The following PTPRD variants were observed in gnomAD, a reference collection of about 807,000 sequenced individuals.
PTPRD encodes receptor-type tyrosine-protein phosphatase delta.
In PTPRD, 34 loss-of-function variants were observed where a neutral mutation model predicts 214.5. The ratio of observed to expected loss-of-function variants is 0.16; its 90% CI spans 0.12 to 0.21. The LOEUF (loss-of-function observed/expected upper bound fraction) is 0.21, where lower values mean the gene tolerates loss of function less well. Ranked by LOEUF, PTPRD falls within the 10% of genes least tolerant of loss-of-function variation. PTPRD has a pLI of 1.00. For synonymous variants in PTPRD, 1,128 were observed against 845.7 expected, an observed-to-expected ratio of 1.33 and a Z score of -5.79; for missense variants, 2,545 against 2,398.7, an observed-to-expected ratio of 1.06 and a Z score of -1.27.
At chr9:8,643,890 T>C (rs1179211478) in intron 12 of PTPRD, among the ~76,000 whole-genome samples, 1 of 152,144 alleles carries the variant, frequency 6.6e-6, no homozygotes, top group Non-Finnish European at 1.5e-5. Flanking sequence ...CAGAAGGGGA[T>C]GGATCCGGTG....
At chr9:9,310,248 G>A (rs1251707451) in intron 9 of PTPRD, among the ~76,000 whole-genome samples, 1 of 152,062 alleles carries the variant, frequency 6.6e-6, no homozygotes, top group Non-Finnish European at 1.5e-5. Flanking sequence ...TAATGAAGAA[G>A]CATATTAGCA....
intron 4 of PTPRD, among the ~76,000 whole-genome samples, chr9:10,011,119 C>A (rs937189516): frequency 1.1e-4 from 16 of 151,896 alleles, no homozygotes; most frequent in Admixed American, 9.9e-4. Context: ...ACACCTTATA[C>A]CTGTAGAAGG....
intron 2 of PTPRD, among the ~76,000 whole-genome samples, chr9:10,409,573 T>C (rs1196145261): frequency 1.3e-5 from 2 of 151,784 alleles, no homozygotes; most frequent in Admixed American, 1.3e-4. Flanking sequence ...GACATTTATA[T>C]GGAATACCAG....
chr9:10,571,463 T>C (rs148400949), intron 2 of PTPRD, among the ~76,000 whole-genome samples: 1 of 152,174 alleles, frequency 6.6e-6, no homozygotes, highest in Non-Finnish European at 1.5e-5. Flanking sequence ...TTCCATGATA[T>C]AGTAAAGAAA....
intron 7 of PTPRD, among the ~76,000 whole-genome samples, chr9:9,633,957 C>G (rs754183905): frequency 1.7e-4 from 26 of 152,148 alleles, no homozygotes; most frequent in Non-Finnish European, 3.1e-4. Flanking sequence ...AACTTTTCCC[C>G]TTTATGATAC....
At chr9:8,372,796 T>A (rs1190284389) in intron 39 of PTPRD, among the ~76,000 whole-genome samples, 6 of 151,972 alleles carry the variant, frequency 3.9e-5, no homozygotes, top group African/African-American at 1.4e-4. Context: ...CATTTTTGTC[T>A]TAGTCCAATT....
intron 35 of PTPRD, among the ~76,000 whole-genome samples, chr9:8,413,332 G>A (rs1179955621): frequency 6.6e-6 from 1 of 152,106 alleles, no homozygotes; most frequent in Non-Finnish European, 1.5e-5. Flanking sequence ...ATTAACTTTT[G>A]TTAATGTTCA....
chr9:9,318,562 A>AC (rs1964667300), intron 9 of PTPRD, among the ~76,000 whole-genome samples: 1 of 152,208 alleles, frequency 6.6e-6, no homozygotes, highest in Non-Finnish European at 1.5e-5. Context: ...GATCTATCCT[A>AC]GAAAACACTA....
chr9:9,428,473 T>G, intron 8 of PTPRD, among the ~76,000 whole-genome samples: 1 of 152,170 alleles, frequency 6.6e-6, no homozygotes. Flanking sequence ...AACATCCTAC[T>G]GTCAACATTA....
At chr9:9,111,436 C>A (rs926953163) in intron 10 of PTPRD, among the ~76,000 whole-genome samples, 3 of 151,836 alleles carry the variant, frequency 2.0e-5, no homozygotes, top group African/African-American at 7.3e-5. Flanking sequence ...TGGGTGAGTC[C>A]TCACTTTGGA....
intron 6 of PTPRD, among the ~76,000 whole-genome samples, chr9:9,746,968 T>G (rs1014593664): frequency 6.6e-6 from 1 of 152,190 alleles, no homozygotes; most frequent in African/African-American, 2.4e-5. Context: ...GTAGTAGCCC[T>G]GTAGGTGTTA....
At chr9:8,514,773 AG>A (rs1429987851) in intron 21 of PTPRD, among the ~76,000 whole-genome samples, 1 of 152,196 alleles carries the variant, frequency 6.6e-6, no homozygotes, top group Non-Finnish European at 1.5e-5. Flanking sequence ...GATAATGATT[AG>A]GCTCTGCGTC....
intron 2 of PTPRD, among the ~76,000 whole-genome samples, chr9:10,443,474 G>A (rs2098775590): frequency 6.6e-6 from 1 of 151,484 alleles, no homozygotes; most frequent in African/African-American, 2.4e-5. Context: ...TCTCTTATAT[G>A]AAGTTACAAA....
At chr9:8,352,505 A>G (rs1238445579) in intron 39 of PTPRD, among the ~76,000 whole-genome samples, 2 of 152,194 alleles carry the variant, frequency 1.3e-5, no homozygotes, top group East Asian at 1.9e-4. Context: ...GGAGACAACC[A>G]TTTACCAGGC....
intron 5 of PTPRD, among the ~76,000 whole-genome samples, chr9:9,801,400 A>C (rs7036588): frequency 6.6e-6 from 1 of 152,006 alleles, no homozygotes; most frequent in African/African-American, 2.4e-5. Flanking sequence ...CTAAACTCCA[A>C]TGGGATTTTC....
chr9:8,957,255 C>T (rs1017158690), intron 11 of PTPRD, among the ~76,000 whole-genome samples: 1 of 151,798 alleles, frequency 6.6e-6, no homozygotes, highest in African/African-American at 2.4e-5. Context: ...TCTGGGGCTA[C>T]CTACTCCTCC....
intron 9 of PTPRD, among the ~76,000 whole-genome samples, chr9:9,206,571 A>T (rs1036801194): frequency 6.6e-6 from 1 of 152,286 alleles, no homozygotes; most frequent in Non-Finnish European, 1.5e-5. Flanking sequence ...CTCACCCTCA[A>T]TGTGGGTGGG....
intron 4 of PTPRD, among the ~76,000 whole-genome samples, chr9:9,939,846 A>C (rs948974275): frequency 6.6e-6 from 1 of 152,170 alleles, no homozygotes; most frequent in African/African-American, 2.4e-5. Flanking sequence ...TGTAAATCAA[A>C]CCTTAAGAGC....
chr9:10,558,961 C>CTTT (rs1266607670), intron 2 of PTPRD, among the ~76,000 whole-genome samples: 1 of 152,114 alleles, frequency 6.6e-6, no homozygotes, highest in Non-Finnish European at 1.5e-5. Context: ...AACTGATCAC[C>CTTT]TTTACCAGAA....
Sources: gnomAD v4.1 joint callset for allele counts (sites outside exome capture counted in the v4.1 genomes callset) on GRCh38, gnomAD v4.1.1 for gene constraint, MANE v1.5 for transcripts, NCBI Gene and HGNC (gene_info 2026-07-23, HGNC 2026-07-21) for gene names.